The following KCNH6 variants were observed in gnomAD, a reference collection of about 807,000 sequenced individuals.
KCNH6 encodes voltage-gated inwardly rectifying potassium channel KCNH6.
KCNH6 carries 81 observed loss-of-function variants against 83.4 expected under a neutral mutation model. The ratio of observed to expected loss-of-function variants is 0.97; its 90% CI spans 0.81 to 1.17. KCNH6 has a LOEUF of 1.17. KCNH6 is among the 50% of genes most tolerant of loss of function. The pLI, the probability that KCNH6 is intolerant of heterozygous loss-of-function variation, is 0.00. For missense variants in KCNH6, 1,203 were observed against 1,290.5 expected, an observed-to-expected ratio of 0.93 and a Z score of 1.04; for synonymous variants, 503 against 545.6, an observed-to-expected ratio of 0.92 and a Z score of 1.09.
chr17:63,536,726 G>C (rs2032521871), intron 6 of KCNH6, among the ~76,000 whole-genome samples: 1 of 151,994 alleles, frequency 6.6e-6, no homozygotes, highest in South Asian at 2.1e-4. Context: ...GGAGGCCGAG[G>C]TGGGCGGATC....
chr17:63,544,779 C>T (rs187570469), intron 11 of KCNH6, among the ~76,000 whole-genome samples: 136 of 152,190 alleles, frequency 8.9e-4, no homozygotes, highest in African/African-American at 3.2e-3. Context: ...AGTTACTAAA[C>T]AGCTCTGAAC....
chr17:63,525,938 T>A (rs2031682570), intron 2 of KCNH6, among the ~76,000 whole-genome samples: 1 of 152,206 alleles, frequency 6.6e-6, no homozygotes, highest in African/African-American at 2.4e-5. Context: ...TCCTTTCTTT[T>A]CCTCTCCTTG....
Position 63,523,388 on chromosome 17 carries a change from C to T in KCNH6, c.-26C>T. 11 of 1,575,520 alleles carry T rather than the reference C, an allele frequency of 7.0e-6. No homozygotes were observed. The highest frequency in any genetic ancestry group is 9.5e-6 in the Non-Finnish European group (11 of 1,163,898). On this transcript the variant is annotated 5_prime_UTR_variant, in exon 1 of 13. Transcript: ENST00000314672. The surrounding 1 kb of genome is among the most constrained non-coding windows in gnomAD (Gnocchi z 4.2). ...CGCCGGGAGCCAGTGGCGCCTGTGG[C>T]TCCGGGCAGGGGCCGCGGCCGAAAG... is the stretch of plus-strand genomic sequence containing the variant.
Position 63,538,735 on chromosome 17 carries a change from C to T in KCNH6, c.1954+73C>T. 7.1e-7 allele frequency: 1 copy of T among 1,410,466 alleles called. No individual in the cohort carries two copies. The highest frequency in any genetic ancestry group is 9.6e-7 in the Non-Finnish European group (1 of 1,040,898). The allele number at this position is 1,410,466 out of a possible 1,614,324, so 87.4% of individuals were successfully genotyped here. A position where few individuals can be genotyped will look rare whatever the true frequency, so the allele number is the denominator to read the frequency against. On this transcript the variant is annotated intron_variant, in intron 8 of 12. Transcript: ENST00000314672. The surrounding 1 kb of genome is among the most constrained non-coding windows in gnomAD (Gnocchi z 4.0). Reference sequence around the variant, plus strand: ...GAGGGCGGGATTGGAGATGCCCTGCCCAGGCCACCCTCTTCCTGATGAGGA... The same window carrying T: ...GAGGGCGGGATTGGAGATGCCCTGCTCAGGCCACCCTCTTCCTGATGAGGA...
At position 63,535,847 on chromosome 17, in the gene KCNH6, G is replaced by A. The variant is rs185358392; in HGVS notation, c.1280G>A (p.Arg427Gln). ...TGGTACGCCATCGGCAATGTGGAGC[G>A]GCCCTACCTAGAACACAAGATCGGC... The part of the protein sequence containing the change: ...CIWYAIGNVE[R>Q]PYLEHKIGWL... The change falls in exon 6 of 13, where the codon CGG becomes CAG. Residue 427 changes from arginine (R) to glutamine (Q), a missense_variant. Transcript: ENST00000314672. The surrounding 1 kb of genome is among the most constrained non-coding windows in gnomAD (Gnocchi z 4.9). 262 of 1,614,204 alleles carry A rather than the reference G, an allele frequency of 1.6e-4. 2 individuals carry two copies. In the East Asian group the frequency reaches 5.3e-3, roughly 32 times the overall value.
chr17:63,545,295 C>T, intron 12 of KCNH6, 31 bp downstream of exon 12: 3 of 1,606,178 alleles, frequency 1.9e-6, no homozygotes, highest in Non-Finnish European at 2.6e-6. Flanking sequence ...CAGGGGCTTA[C>T]CTGCGAGCAG....
intron 2 of KCNH6, among the ~76,000 whole-genome samples, chr17:63,527,162 T>A (rs577355672): frequency 6.6e-6 from 1 of 151,902 alleles, no homozygotes; most frequent in African/African-American, 2.4e-5. Context: ...ATCAGAGGAG[T>A]CCTGGGACTT....
In KCNH6 at chr17:63,542,232, G is replaced by C; in HGVS notation, c.1955-9G>C. ...ACCCTGAAGAGACTCCCACCCCTCTGGCTGGCAGGAAAGAATGACATCTTT... is the reference window on the plus strand; with the variant it reads ...ACCCTGAAGAGACTCCCACCCCTCTCGCTGGCAGGAAAGAATGACATCTTT... On this transcript the variant is annotated splice_polypyrimidine_tract_variant and intron_variant, in intron 8 of 12. Coordinates refer to ENST00000314672, the MANE Select transcript of KCNH6 (RefSeq NM_001278919.2). 6.2e-7 allele frequency: 1 copy of C among 1,613,062 alleles called. No individual in the cohort carries two copies. The highest frequency in any genetic ancestry group is 1.1e-5 in the South Asian group (1 of 91,070).
At chr17:63,543,750 C>A in intron 10 of KCNH6, 90 bp downstream of exon 10, 3 of 808,710 alleles carry the variant, frequency 3.7e-6, no homozygotes, top group Non-Finnish European at 6.5e-6. Context: ...GCCTCCCCAG[C>A]GCCACCCCAC....
In KCNH6 at chr17:63,533,850, G is replaced by GC. The variant is rs751755785; in HGVS notation, c.676-32dup. 1.2e-5 allele frequency: 19 copies of GC among 1,585,112 alleles called. No individual in the cohort carries two copies. Among genetic ancestry groups the GC allele is most frequent in the South Asian group, 2.3e-5 (2 of 87,782 alleles). On this transcript the variant is annotated intron_variant, in intron 4 of 12. Coordinates refer to ENST00000314672, the MANE Select transcript of KCNH6 (RefSeq NM_001278919.2). This position sits in a 1 kb window ranked among gnomAD's most constrained non-coding sequence, Gnocchi z 4.1. ...TAGGCCAGTCTCACCAGCAGTGGCT[G>GC]CCCCGTGCCTGACCTCCCTCGGCCC...
intron 8 of KCNH6, among the ~76,000 whole-genome samples, chr17:63,541,532 A>G (rs2032860625): frequency 6.7e-6 from 1 of 148,456 alleles, no homozygotes; most frequent in African/African-American, 2.6e-5. Context: ...ACCTCAAATA[A>G]TCCACTACCC....
At chr17:63,524,033 T>A in intron 1 of KCNH6, 106 bp from the exon 2 acceptor site, 1 of 798,244 alleles carries the variant, frequency 1.3e-6, no homozygotes, top group South Asian at 1.5e-5. Flanking sequence ...GCCCTGCTCC[T>A]CTGCCTAAAT....
At position 63,535,178 on chromosome 17, in the gene KCNH6, C is replaced by T. The variant is rs1218751483; in HGVS notation, c.1102-491C>T. Among the ~76,000 whole-genome samples the T allele has an allele frequency of 1.3e-5, 2 of 152,184 alleles. No individual in the cohort carries two copies. The highest frequency in any genetic ancestry group is 6.5e-5 in the Admixed American group (1 of 15,282). On this transcript the variant is annotated intron_variant, in intron 5 of 12. Coordinates refer to ENST00000314672, the MANE Select transcript of KCNH6 (RefSeq NM_001278919.2). The surrounding 1 kb of genome is among the most constrained non-coding windows in gnomAD (Gnocchi z 4.9). ...GACCCTGAAGCCCACAGGCAGCAGC[C>T]CCTGCCCGCCCTGCCCTTCCCAGGC...
intron 8 of KCNH6, among the ~76,000 whole-genome samples, chr17:63,540,890 T>G (rs1289622941): frequency 6.6e-6 from 1 of 152,242 alleles, no homozygotes; most frequent in Non-Finnish European, 1.5e-5. Flanking sequence ...CTGTTTCTTC[T>G]GTCCTGACTG....
chr17:63,542,481 G>C lies in KCNH6; in HGVS notation c.2148+47G>C, dbSNP rs372361421. The C allele has an allele frequency of 6.2e-5, 96 of 1,547,130 alleles. 1 individual carries two copies. The highest frequency in any genetic ancestry group is 2.0e-4 in the Middle Eastern group (1 of 5,102). On this transcript the variant is annotated intron_variant, in intron 9 of 12. Coordinates refer to ENST00000314672, the MANE Select transcript of KCNH6 (RefSeq NM_001278919.2). ...CAGGGTGGGTGGAAATGCCCAGGCA[G>C]CCTGCCTGGCCTGAGGGCACCCATC...
chr17:63,525,602 G>A (rs2031657032), intron 2 of KCNH6, among the ~76,000 whole-genome samples: 1 of 152,136 alleles, frequency 6.6e-6, no homozygotes, highest in African/African-American at 2.4e-5. Flanking sequence ...GCCTCTGTGT[G>A]TGAGTGTGTG....
rs757621083 is a variant in KCNH6, at chr17:63,523,418, C to G, written c.5C>G (p.Pro2Arg). The G allele has an allele frequency of 1.3e-6, 2 of 1,593,902 alleles. No homozygotes were observed. Among genetic ancestry groups the G allele is most frequent in the East Asian group, 4.8e-5 (2 of 41,822 alleles). ...GGCAGGGGCCGCGGCCGAAAGATGC[C>G]GGTCCGCAGGGGCCACGTCGCTCCC... MPVRRGHVAPQN... is the reference protein window; with the variant it reads MRVRRGHVAPQN... The change falls in exon 1 of 13, where the codon CCG (proline) becomes CGG (arginine). Residue 2 changes from proline (P) to arginine (R), a missense_variant. Physicochemically the swap from Pro to Arg is moderately radical, Grantham distance 103. Transcript: ENST00000314672. This position sits in a 1 kb window ranked among gnomAD's most constrained non-coding sequence, Gnocchi z 4.2.
chr17:63,534,356 A>G lies in KCNH6; in HGVS notation c.1101+45A>G. On this transcript the variant is annotated intron_variant, in intron 5 of 12. Coordinates refer to ENST00000314672, the MANE Select transcript of KCNH6 (RefSeq NM_001278919.2). The surrounding 1 kb of genome is among the most constrained non-coding windows in gnomAD (Gnocchi z 5.0). ...GCCAGCAGCCATGGCTGTCCTCTGC[A>G]CGCTGGCCTCAAGCCCTCCCTGCTG... is the stretch of plus-strand genomic sequence containing the variant. 6.4e-7 allele frequency: 1 copy of G among 1,552,280 alleles called. No individual in the cohort carries two copies. Among genetic ancestry groups the G allele is most frequent in the Non-Finnish European group, 8.7e-7 (1 of 1,143,064 alleles).
chr17:63,525,422 G>A (rs2031643823), intron 2 of KCNH6, among the ~76,000 whole-genome samples: 2 of 152,212 alleles, frequency 1.3e-5, no homozygotes, highest in Admixed American at 6.5e-5. Flanking sequence ...AGGATTTCTG[G>A]GGAAGGAGGT....
Sources: gnomAD v4.1 joint callset for allele counts (sites outside exome capture counted in the v4.1 genomes callset) on GRCh38, gnomAD v4.1.1 for gene constraint, Gnocchi (gnomAD v3.1) non-coding constraint, MANE v1.5 for transcripts, NCBI Gene and HGNC (gene_info 2026-07-23, HGNC 2026-07-21) for gene names.